EPHA4: variants seen among roughly 807,000 people sequenced by gnomAD.
EPHA4 encodes EPH receptor A4.
Under a neutral mutation model 108.3 loss-of-function variants are expected in EPHA4, and 19 were observed. The observed-to-expected ratio is 0.18, with a 90% CI of 0.12 to 0.26. The LOEUF (loss-of-function observed/expected upper bound fraction) is 0.26, where lower values mean the gene tolerates loss of function less well. Ranked by LOEUF, EPHA4 falls within the 10% of genes least tolerant of loss-of-function variation. EPHA4 has a pLI of 1.00. For synonymous variants in EPHA4, 449 were observed against 455.5 expected (o/e 0.99, Z 0.18); for missense variants, 917 against 1,254.0 (o/e 0.73, Z 4.06).
At chr2:221,438,802 A>T (rs1690326501) in intron 11 of EPHA4, among the ~76,000 whole-genome samples, 1 of 152,124 alleles carries the variant, frequency 6.6e-6, no homozygotes, top group Non-Finnish European at 1.5e-5. Context: ...AAAAATAAAA[A>T]AAATCACACT....
intron 16 of EPHA4, 135 bp from the exon 17 acceptor site, chr2:221,426,277 T>C (rs1226709942): frequency 5.8e-6 from 6 of 1,037,052 alleles, no homozygotes; most frequent in Admixed American, 2.4e-5. Context: ...ATTAAAATGT[T>C]TCATTAAGCA....
intron 5 of EPHA4, among the ~76,000 whole-genome samples, chr2:221,476,485 C>T (rs1188995644): frequency 2.6e-5 from 4 of 152,046 alleles, no homozygotes; most frequent in African/African-American, 4.8e-5. Flanking sequence ...TTTTATTTAC[C>T]GAAGCTAAAG....
At chr2:221,474,603 C>T (rs1336992842) in intron 5 of EPHA4, among the ~76,000 whole-genome samples, 1 of 152,094 alleles carries the variant, frequency 6.6e-6, no homozygotes, top group Non-Finnish European at 1.5e-5. Context: ...AAGGACTCTC[C>T]AACCAGCTAC....
intron 3 of EPHA4, among the ~76,000 whole-genome samples, chr2:221,562,398 CA>C (rs1384246244): frequency 6.6e-6 from 1 of 152,032 alleles, no homozygotes; most frequent in Non-Finnish European, 1.5e-5. Flanking sequence ...ACCAAATCAC[CA>C]AAAAATGCAA....
At chr2:221,502,583 G>T in intron 3 of EPHA4, 1 of 471,230 alleles carries the variant, frequency 2.1e-6, no homozygotes, top group South Asian at 1.5e-5. Flanking sequence ...CTGGAGATAG[G>T]GCCATCATCT....
intron 5 of EPHA4, among the ~76,000 whole-genome samples, chr2:221,470,201 T>C (rs2106129054): frequency 6.6e-6 from 1 of 152,240 alleles, no homozygotes; most frequent in Admixed American, 6.5e-5. Flanking sequence ...ATGTGTTCTG[T>C]GCTATTTGGA....
chr2:221,563,023 C>T (rs1257235703), intron 3 of EPHA4, among the ~76,000 whole-genome samples: 1 of 152,170 alleles, frequency 6.6e-6, no homozygotes, highest in Non-Finnish European at 1.5e-5. Context: ...AATTGGGTCA[C>T]AATTTGCTAT....
chr2:221,449,735 C>CT (rs1690712463), intron 8 of EPHA4, among the ~76,000 whole-genome samples: 1 of 152,196 alleles, frequency 6.6e-6, no homozygotes, highest in Non-Finnish European at 1.5e-5. Context: ...AGGGGCCCAG[C>CT]ATAAACCATG....
At chr2:221,449,776 A>C (rs1344463316) in intron 8 of EPHA4, among the ~76,000 whole-genome samples, 1 of 152,240 alleles carries the variant, frequency 6.6e-6, no homozygotes, top group African/African-American at 2.4e-5. Flanking sequence ...TTTCTGGTCA[A>C]GTGGACAGAT....
chr2:221,564,194 C>T lies in EPHA4; in HGVS notation c.360G>A (p.Glu120=). 1 of 1,614,178 alleles carries T rather than the reference C, an allele frequency of 6.2e-7. No homozygotes were observed. Among genetic ancestry groups the T allele is most frequent in the Non-Finnish European group, 8.5e-7 (1 of 1,180,036 alleles). The part of the protein sequence containing the change: ...SLPGVMGTCK[E]TFNLYYYESD... ...ATTCATAGTAGTACAGGTTAAACGTCTCCTTGCAAGTCCCCATGACGCCCG... is the reference window on the plus strand; with the variant it reads ...ATTCATAGTAGTACAGGTTAAACGTTTCCTTGCAAGTCCCCATGACGCCCG... The change falls in exon 3 of 18, where the codon GAG becomes GAA. Residue 120 remains glutamate, a synonymous_variant. Transcript: ENST00000281821.
At chr2:221,435,163 A>C (rs1028348831) in intron 13 of EPHA4, among the ~76,000 whole-genome samples, 8 of 152,132 alleles carry the variant, frequency 5.3e-5, no homozygotes, top group African/African-American at 1.2e-4. Context: ...AATAAATTGT[A>C]CTGGAAATTG....
intron 5 of EPHA4, among the ~76,000 whole-genome samples, chr2:221,467,156 CAAATA>C (rs1691337774): frequency 6.6e-6 from 1 of 152,056 alleles, no homozygotes; most frequent in African/African-American, 2.4e-5. Flanking sequence ...ATTCAATTAC[CAAATA>C]AAATAATTAG....
chr2:221,566,044 T>C (rs1694618213), intron 2 of EPHA4, among the ~76,000 whole-genome samples: 1 of 152,174 alleles, frequency 6.6e-6, no homozygotes, highest in African/African-American at 2.4e-5. Context: ...ACAGTCAGTG[T>C]CAGCAACTCA....
rs1271994410 is a variant in EPHA4, at chr2:221,436,462, T to G, written c.2283A>C (p.Lys761Asn). The change falls in exon 13 of 18, where the codon AAA (lysine) becomes AAC (asparagine). Residue 761 changes from lysine (K) to asparagine (N), a missense_variant. This residue lies in a region of EPHA4 where 758 missense variants were observed against 1,076.7 expected (regional missense o/e 0.70). Transcript: ENST00000281821. Reference sequence around the variant, plus strand: ...CTCGGGACATGCCAAAATCAGACACTTTGCAGACCAAGTTGCTGTTCACCA... The same window carrying G: ...CTCGGGACATGCCAAAATCAGACACGTTGCAGACCAAGTTGCTGTTCACCA... Reference protein sequence around the residue: ...NILVNSNLVCKVSDFGMSRVL... With the variant: ...NILVNSNLVCNVSDFGMSRVL... The G allele has an allele frequency of 6.2e-7, 1 of 1,614,018 alleles. No individual in the cohort carries two copies. The highest frequency in any genetic ancestry group is 8.5e-7 in the Non-Finnish European group (1 of 1,180,036).
At chr2:221,437,768 A>T (rs1315762309) in intron 11 of EPHA4, among the ~76,000 whole-genome samples, 1 of 151,636 alleles carries the variant, frequency 6.6e-6, no homozygotes, top group African/African-American at 2.4e-5. Context: ...AAAAAAAAAA[A>T]AAAAATTTGC....
At chr2:221,541,392 T>A (rs1246465351) in intron 3 of EPHA4, among the ~76,000 whole-genome samples, 3 of 152,094 alleles carry the variant, frequency 2.0e-5, no homozygotes, top group East Asian at 3.9e-4. Flanking sequence ...CTCCTGGTGA[T>A]TCAGAACAAG....
chr2:221,475,312 G>A (rs113151820), intron 5 of EPHA4, among the ~76,000 whole-genome samples: 2,090 of 152,274 alleles, frequency 0.014, 23 homozygotes, highest in Admixed American at 0.017. Flanking sequence ...GTGCCAATGG[G>A]AAAAAATTTG....
At chr2:221,518,492 G>GGTAACCT (rs1693054883) in intron 3 of EPHA4, among the ~76,000 whole-genome samples, 1 of 152,042 alleles carries the variant, frequency 6.6e-6, no homozygotes, top group South Asian at 2.1e-4. Context: ...TCTAACATTT[G>GGTAACCT]GTAACCTGTA....
chr2:221,442,095 T>G (rs1690447100), intron 11 of EPHA4, among the ~76,000 whole-genome samples: 1 of 152,218 alleles, frequency 6.6e-6, no homozygotes, highest in African/African-American at 2.4e-5. Flanking sequence ...TATGAGATCC[T>G]TGACTTGTAG....
Sources: allele counts gnomAD v4.1 joint callset (sites outside exome capture counted in the v4.1 genomes callset), GRCh38; gene constraint gnomAD v4.1.1; regional missense constraint gnomAD v4.1.1; transcripts MANE v1.5; gene names NCBI Gene and HGNC (gene_info 2026-07-23, HGNC 2026-07-21).